The following NUFIP1 variants were observed in gnomAD, a reference collection of about 807,000 sequenced individuals.
The protein encoded by NUFIP1 is FMR1-interacting protein NUFIP1.
In NUFIP1, 38 loss-of-function variants were observed where a neutral mutation model predicts 56.2. The observed-to-expected ratio is 0.68, with a 90% confidence interval of 0.52 to 0.89. The LOEUF is 0.89. Ranked by LOEUF, NUFIP1 falls within the 40% of genes least tolerant of loss-of-function variation. The probability of loss-of-function intolerance (pLI) is 0.00; values close to 1 mark genes in which losing one functional copy is unlikely to be tolerated. For synonymous variants in NUFIP1, 215 were observed against 212.4 expected, an observed-to-expected ratio of 1.01 and a Z score of -0.10; for missense variants, 567 against 605.8, an observed-to-expected ratio of 0.94 and a Z score of 0.67.
In NUFIP1 at chr13:44,989,199, G is replaced by A; in HGVS notation, c.238C>T (p.Pro80Ser). The A allele has an allele frequency of 6.2e-7, 1 of 1,611,754 alleles. No individual in the cohort carries two copies. Among genetic ancestry groups the A allele is most frequent in the Non-Finnish European group, 8.5e-7 (1 of 1,178,980 alleles). The change falls in exon 1 of 10, where the codon CCC (proline) becomes TCC (serine). Residue 80 changes from proline (P) to serine (S), a missense_variant. Transcript: ENST00000379161. ...CCGGGAAGAATCTGGGCGTCGAAGGGGGGCGGAGCCCCGGGGAGAGACTGG... is the reference window on the plus strand; with the variant it reads ...CCGGGAAGAATCTGGGCGTCGAAGGAGGGCGGAGCCCCGGGGAGAGACTGG... ...EAQSLPGAPPPFDAQILPGAQ... is the reference protein window; with the variant it reads ...EAQSLPGAPPSFDAQILPGAQ...
chr13:44,989,443 G>C lies in NUFIP1; in HGVS notation c.-7C>G. The C allele has an allele frequency of 6.2e-7, 1 of 1,611,946 alleles. No individual in the cohort carries two copies. The highest frequency in any genetic ancestry group is 1.7e-4 in the Middle Eastern group (1 of 6,058). On this transcript the variant is annotated 5_prime_UTR_variant, in exon 1 of 10. Transcript: ENST00000379161. Reference sequence around the variant, plus strand: ...CACTAGTCGGCTCAGCCATACCACTGGCGGGTCCGGAGTCTAGCACGCGAC... The same window carrying C: ...CACTAGTCGGCTCAGCCATACCACTCGCGGGTCCGGAGTCTAGCACGCGAC...
chr13:44,964,183 T>G (rs571458349), intron 6 of NUFIP1, among the ~76,000 whole-genome samples: 2 of 152,072 alleles, frequency 1.3e-5, no homozygotes, highest in South Asian at 4.2e-4. Flanking sequence ...TAAGCAAAAG[T>G]TTTTTTTAAG....
chr13:44,979,828 G>C, intron 4 of NUFIP1, 62 bp downstream of exon 4: 1 of 1,193,820 alleles, frequency 8.4e-7, no homozygotes, highest in South Asian at 1.4e-5. Context: ...AAACAGTTGT[G>C]AAGATAACAG....
intron 7 of NUFIP1, among the ~76,000 whole-genome samples, chr13:44,959,079 C>A (rs1361859066): frequency 2.6e-5 from 4 of 152,130 alleles, no homozygotes; most frequent in African/African-American, 7.2e-5. Flanking sequence ...GAATGCACAG[C>A]ATTAATACAT....
At chr13:44,968,561 A>AT (rs1253006716) in intron 5 of NUFIP1, among the ~76,000 whole-genome samples, 4 of 152,220 alleles carry the variant, frequency 2.6e-5, no homozygotes, top group African/African-American at 9.6e-5. Flanking sequence ...TACAGAGAGG[A>AT]TGGTCCAGTT....
chr13:44,949,749 G>C lies in NUFIP1; in HGVS notation c.1111C>G (p.Leu371Val), dbSNP rs934969636. Residue 371 changes from leucine (L) to valine (V), a missense_variant, in exon 8 of 10, where the codon CTT (leucine) becomes GTT (valine). Coordinates refer to ENST00000379161, the MANE Select transcript of NUFIP1 (RefSeq NM_012345.3). ...TCTGGCTCACTCTCTGACCCTGAAAGACTGCCATAGCTACTCATTAGTGAG... is the reference window on the plus strand; with the variant it reads ...TCTGGCTCACTCTCTGACCCTGAAACACTGCCATAGCTACTCATTAGTGAG... ...LCSLMSSYGS[L>V]SGSESEPEET... 8.1e-6 allele frequency: 13 copies of C among 1,611,536 alleles called. No individual in the cohort carries two copies. The highest frequency in any genetic ancestry group is 1.0e-5 in the Non-Finnish European group (12 of 1,179,014).
chr13:44,977,819 C>G (rs2137921041), intron 5 of NUFIP1, among the ~76,000 whole-genome samples: 1 of 152,262 alleles, frequency 6.6e-6, no homozygotes, highest in African/African-American at 2.4e-5. Context: ...GAGGCTGAGA[C>G]AGGTAGATCA....
rs1424377870 is a variant in NUFIP1 at position 44,959,856 on chromosome 13, CGTAT to C, written c.828-286_828-283del. On this transcript the variant is annotated intron_variant, in intron 6 of 9. Transcript: ENST00000379161. Reference sequence around the variant, plus strand: ...TTATCCCTCTGAAATTGGGCTGTGTCGTATTATCATTAAAGGCCAATTTAACTGG... The same window carrying C: ...TTATCCCTCTGAAATTGGGCTGTGTCTATCATTAAAGGCCAATTTAACTGG... Among the ~76,000 whole-genome samples, 3 of 152,028 alleles carry C rather than the reference CGTAT, an allele frequency of 2.0e-5. No homozygotes were observed. In the East Asian group the frequency reaches 5.8e-4, roughly 29 times the overall value.
intron 7 of NUFIP1, among the ~76,000 whole-genome samples, 160 bp downstream of exon 7, chr13:44,959,221 C>T (rs964643784): frequency 1.3e-5 from 2 of 152,162 alleles, no homozygotes; most frequent in African/African-American, 4.8e-5. Context: ...TCTGAAATGA[C>T]GTTTTAAACA....
chr13:44,959,525 G>C lies in NUFIP1; in HGVS notation c.877C>G (p.Pro293Ala). The change falls in exon 7 of 10, where the codon CCT becomes GCT. Residue 293 changes from proline (P) to alanine (A), a missense_variant. Physicochemically the swap from Pro to Ala is conservative, Grantham distance 27 (BLOSUM62 -1). Coordinates refer to ENST00000379161, the MANE Select transcript of NUFIP1 (RefSeq NM_012345.3). ...TTTTTCCATTTGTGATTCTTGCCAG[G>C]ACTTCTGATCTTTGCCATTTGTGAA... ...RHSQMAKIRS[P>A]GKNHKWKNDN... 2 of 1,613,894 alleles carry C rather than the reference G, an allele frequency of 1.2e-6. No individual in the cohort carries two copies. The highest frequency in any genetic ancestry group is 1.1e-5 in the South Asian group (1 of 91,020).
chr13:44,954,496 A>C (rs191248316), intron 7 of NUFIP1, among the ~76,000 whole-genome samples: 10 of 152,270 alleles, frequency 6.6e-5, no homozygotes, highest in Non-Finnish European at 1.0e-4. Flanking sequence ...TCCCCACTGA[A>C]AGGAAAGTAG....
chr13:44,982,089 T>C lies in NUFIP1; in HGVS notation c.478A>G (p.Arg160Gly), dbSNP rs1872213037. 6.6e-7 allele frequency: 1 copy of C among 1,511,058 alleles called. No homozygotes were observed. The highest frequency in any genetic ancestry group is 1.4e-5 in the African/African-American group (1 of 71,202). 93.6% of individuals were successfully genotyped at this position (1,511,058 alleles called of 1,614,324 possible). ...KFTDFSLPPS[R>G]KQKKKKRKEP... is the part of the protein sequence containing the mutation. ...TCAAATACCTTTTTTTTCTGTTTTC[T>C]ACTGGGAGGTAAGCTGAAGTCTGTG... The change falls in exon 2 of 10, where the codon AGA becomes GGA. Residue 160 changes from arginine (R) to glycine (G), a missense_variant. By Grantham distance (125) the Arg-to-Gly change is moderately radical (BLOSUM62 -2). Transcript: ENST00000379161.
chr13:44,941,854 G>C (rs17066364), intron 9 of NUFIP1, among the ~76,000 whole-genome samples: 4,854 of 152,118 alleles, frequency 0.032, 106 homozygotes, highest in East Asian at 0.12. Context: ...GCTTATATTT[G>C]GAGTCCTCTC....
At chr13:44,948,106 T>TTAAA (rs1286539610) in intron 8 of NUFIP1, among the ~76,000 whole-genome samples, 1 of 151,552 alleles carries the variant, frequency 6.6e-6, no homozygotes, top group Non-Finnish European at 1.5e-5. Context: ...CTAGTCAACA[T>TTAAA]TAAAAGTGCT....
chr13:44,978,894 C>T (rs1872083435), intron 5 of NUFIP1, among the ~76,000 whole-genome samples: 1 of 152,124 alleles, frequency 6.6e-6, no homozygotes, highest in African/African-American at 2.4e-5. Context: ...CTGTATAATA[C>T]ACTTTTTGGT....
intron 5 of NUFIP1, among the ~76,000 whole-genome samples, chr13:44,974,902 A>G (rs1011317160): frequency 2.6e-5 from 4 of 152,232 alleles, no homozygotes; most frequent in Admixed American, 2.6e-4. Flanking sequence ...TTGAAGACAG[A>G]TGGCACAGAG....
In NUFIP1 at chr13:44,965,872, CT is replaced by C; in HGVS notation, c.798del (p.Gly267GlufsTer4). The stretch of plus-strand genomic sequence containing the variant: ...TATTGTGTTGTTGTCAATACTGCTC[CT>C]CTCTTCTCCTTTTCAAGTTTTAACT... ...KKKLKLEKEK[R>X]GAVLTTTQYG... On this transcript the variant is annotated frameshift_variant, in exon 6 of 10. Transcript: ENST00000379161. LOFTEE classifies it high-confidence loss of function. 1 of 1,600,274 alleles carries C rather than the reference CT, an allele frequency of 6.2e-7. No individual in the cohort carries two copies. The highest frequency in any genetic ancestry group is 8.5e-7 in the Non-Finnish European group (1 of 1,174,684).
chr13:44,984,947 A>T (rs1389241362), intron 1 of NUFIP1, among the ~76,000 whole-genome samples: 2 of 152,096 alleles, frequency 1.3e-5, no homozygotes, highest in African/African-American at 4.8e-5. Context: ...TCTATGAGAG[A>T]GAACATGTGG....
chr13:44,987,221 TA>T (rs1229994984), intron 1 of NUFIP1, among the ~76,000 whole-genome samples: 1 of 151,872 alleles, frequency 6.6e-6, no homozygotes, highest in African/African-American at 2.4e-5. Flanking sequence ...CTACTAAAAA[TA>T]CAAAAATTAG....
Sources: allele counts gnomAD v4.1 joint callset (sites outside exome capture counted in the v4.1 genomes callset), GRCh38; gene constraint gnomAD v4.1.1; transcripts MANE v1.5; gene names NCBI Gene and HGNC (gene_info 2026-07-23, HGNC 2026-07-21).